MCPH1: variants seen among roughly 807,000 people sequenced by gnomAD.
The protein encoded by MCPH1 is microcephalin.
Under a neutral mutation model 84.5 loss-of-function variants are expected in MCPH1, and 104 were observed. That is an observed-to-expected ratio of 1.23 (90% confidence interval 1.05 to 1.45). MCPH1 has a LOEUF of 1.45. MCPH1 is among the 40% of genes most tolerant of loss of function. MCPH1 has a pLI of 0.00. For synonymous variants in MCPH1, 514 were observed against 366.8 expected, an observed-to-expected ratio of 1.40 and a Z score of -4.58; for missense variants, 1,498 against 1,005.7, an observed-to-expected ratio of 1.49 and a Z score of -6.62.
At chr8:6,639,664 T>TA (rs1797795413) in intron 13 of MCPH1, among the ~76,000 whole-genome samples, 1 of 149,698 alleles carries the variant, frequency 6.7e-6, no homozygotes, top group Non-Finnish European at 1.5e-5. Flanking sequence ...TCCTGTCTCT[T>TA]TAAAAAAAAA....
chr8:6,419,295 C>T (rs576089984), intron 3 of MCPH1, among the ~76,000 whole-genome samples: 2 of 152,294 alleles, frequency 1.3e-5, no homozygotes, highest in South Asian at 4.1e-4. Flanking sequence ...TTGCAGCTTA[C>T]TGCAGCCTTG....
chr8:6,500,895 A>T (rs539732662), intron 12 of MCPH1: 1 of 152,326 alleles, frequency 6.6e-6, no homozygotes, highest in South Asian at 2.1e-4. Context: ...AAGAGAATTG[A>T]TATAAATTGT....
At chr8:6,471,507 G>A (rs1374995126) in intron 9 of MCPH1, among the ~76,000 whole-genome samples, 1 of 152,184 alleles carries the variant, frequency 6.6e-6, no homozygotes. Flanking sequence ...CGACTGAATT[G>A]TTAGGAGATA....
chr8:6,621,766 G>A (rs1831450488), intron 13 of MCPH1, 75 bp downstream of exon 13: 2 of 1,595,514 alleles, frequency 1.3e-6, no homozygotes, highest in Non-Finnish European at 1.7e-6. Flanking sequence ...GCGGCGTCAG[G>A]CTCACACCCC....
chr8:6,409,285 T>C lies in MCPH1; in HGVS notation c.29T>C (p.Val10Ala). 2 of 1,612,226 alleles carry C rather than the reference T, an allele frequency of 1.2e-6. No individual in the cohort carries two copies. Among genetic ancestry groups the C allele is most frequent in the East Asian group, 4.5e-5 (2 of 44,872 alleles). Residue 10 changes from valine (V) to alanine (A), a missense_variant, in exon 2 of 14, where the codon GTG (valine) becomes GCG (alanine). Val to Ala is a moderately conservative substitution (Grantham distance 64). Transcript: ENST00000344683. Reference sequence around the variant, plus strand: ...GTTCATATCTTGTTTTCAGATGTAGTGGCCTATGTTGAAGTGTGGTCATCC... The same window carrying C: ...GTTCATATCTTGTTTTCAGATGTAGCGGCCTATGTTGAAGTGTGGTCATCC... MAAPILKDV[V>A]AYVEVWSSNG...
At position 6,440,825 on chromosome 8, in the gene MCPH1, G is replaced by A. The variant is rs76788982; in HGVS notation, c.581-1242G>A. Among the ~76,000 whole-genome samples, 1,322 of 152,154 alleles carry A rather than the reference G, an allele frequency of 8.7e-3. 61 individuals are homozygous for A. Among genetic ancestry groups the A allele is most frequent in the Admixed American group, 0.074 (1,125 of 15,276 alleles). On this transcript the variant is annotated intron_variant, in intron 6 of 13. Transcript: ENST00000344683. ...ATATGTATCAGTTAAGGTTAGTTTC[G>A]GCTGCATATAACAAAGACAAAAACC... is the stretch of plus-strand genomic sequence containing the variant.
intron 12 of MCPH1, among the ~76,000 whole-genome samples, chr8:6,606,881 G>A (rs761332824): frequency 2.0e-5 from 3 of 152,200 alleles, no homozygotes; most frequent in Non-Finnish European, 2.9e-5. Context: ...CTCTTCTCTT[G>A]TTTGCCACCA....
chr8:6,558,449 T>C (rs1281805880), intron 12 of MCPH1, among the ~76,000 whole-genome samples: 1 of 152,250 alleles, frequency 6.6e-6, no homozygotes, highest in Admixed American at 6.5e-5. Context: ...ATTTCAATTA[T>C]TTTATGGATT....
chr8:6,597,986 G>A (rs1014177589), intron 12 of MCPH1, among the ~76,000 whole-genome samples: 1 of 152,194 alleles, frequency 6.6e-6, no homozygotes, highest in African/African-American at 2.4e-5. Context: ...TGCCACTCAT[G>A]TCTGCTGAAT....
chr8:6,638,296 C>T (rs568395557), intron 13 of MCPH1, among the ~76,000 whole-genome samples: 29 of 152,260 alleles, frequency 1.9e-4, no homozygotes, highest in African/African-American at 7.0e-4. Flanking sequence ...GGCTAGATCT[C>T]CTAGCCCTAA....
chr8:6,463,459 A>C (rs1208013049), intron 9 of MCPH1, among the ~76,000 whole-genome samples: 2 of 152,248 alleles, frequency 1.3e-5, no homozygotes, highest in East Asian at 3.8e-4. Flanking sequence ...AGTATATTTC[A>C]GAGAGCTCTA....
chr8:6,431,463 A>G (rs754044979), intron 3 of MCPH1, 36 bp from the exon 4 acceptor site: 2 of 1,507,494 alleles, frequency 1.3e-6, no homozygotes, highest in East Asian at 2.3e-5. Flanking sequence ...TAATAGAAGC[A>G]AATACTCATT....
At chr8:6,419,187 ACGC>A (rs71889120) in intron 3 of MCPH1, among the ~76,000 whole-genome samples, 299 of 16,956 alleles carry the variant, frequency 0.018, no homozygotes, top group East Asian at 0.16. Context: ...ACACACACAC[ACGC>A]ATTTTTACCC....
chr8:6,540,963 T>A (rs1821441326), intron 12 of MCPH1, among the ~76,000 whole-genome samples: 1 of 152,180 alleles, frequency 6.6e-6, no homozygotes, highest in African/African-American at 2.4e-5. Flanking sequence ...GGGACTGCTG[T>A]CCCCAGGGGG....
intron 12 of MCPH1, among the ~76,000 whole-genome samples, chr8:6,601,258 G>A (rs937731921): frequency 1.3e-5 from 2 of 152,176 alleles, no homozygotes; most frequent in South Asian, 2.1e-4. Context: ...CTGGAAAACA[G>A]TTCTCATCAG....
At chr8:6,455,539 G>C (rs185821322) in intron 9 of MCPH1, among the ~76,000 whole-genome samples, 6 of 152,296 alleles carry the variant, frequency 3.9e-5, no homozygotes, top group African/African-American at 1.4e-4. Context: ...TTGTGCCAGT[G>C]TTTCTTGCCA....
At chr8:6,408,084 G>C (rs1392354589) in intron 1 of MCPH1, among the ~76,000 whole-genome samples, 1 of 152,174 alleles carries the variant, frequency 6.6e-6, no homozygotes, top group Admixed American at 6.5e-5. Context: ...ACAGAAAATA[G>C]GTTTCTGCAC....
At chr8:6,431,977 T>G (rs1468815464) in intron 4 of MCPH1, among the ~76,000 whole-genome samples, 1 of 152,234 alleles carries the variant, frequency 6.6e-6, no homozygotes, top group African/African-American at 2.4e-5. Context: ...CAAAGTCATT[T>G]ATTAGGAAAA....
intron 12 of MCPH1, among the ~76,000 whole-genome samples, chr8:6,600,073 T>C (rs1319353103): frequency 6.6e-6 from 1 of 152,250 alleles, no homozygotes; most frequent in Non-Finnish European, 1.5e-5. Context: ...GTTCGCTTCA[T>C]GCTAAATAAA....
Sources: gnomAD v4.1 joint callset for allele counts (sites outside exome capture counted in the v4.1 genomes callset) on GRCh38, gnomAD v4.1.1 for gene constraint, MANE v1.5 for transcripts, NCBI Gene and HGNC (gene_info 2026-07-23, HGNC 2026-07-21) for gene names.